Variants in TMTC2 observed in about 807,000 individuals in gnomAD.
TMTC2 encodes the protein transmembrane O-mannosyltransferase targeting cadherins 2.
Under a neutral mutation model 82.4 loss-of-function variants are expected in TMTC2, and 43 were observed. The ratio of observed to expected loss-of-function variants is 0.52; its 90% CI spans 0.41 to 0.67. The LOEUF (loss-of-function observed/expected upper bound fraction) is 0.67, where lower values mean the gene tolerates loss of function less well. TMTC2 is among the 30% of genes least tolerant of loss of function. The probability of loss-of-function intolerance (pLI) is 0.00; values close to 1 mark genes in which losing one functional copy is unlikely to be tolerated. For missense variants in TMTC2, 919 were observed against 1,012.4 expected (o/e 0.91, Z 1.25); for synonymous variants, 408 against 381.9 (o/e 1.07, Z -0.80).
chr12:83,129,563 T>C (rs1885198293), intron 11 of TMTC2, among the ~76,000 whole-genome samples: 1 of 152,208 alleles, frequency 6.6e-6, no homozygotes, highest in Non-Finnish European at 1.5e-5. Context: ...GTGAGGTCTA[T>C]TTATGTGGCA....
In TMTC2 at chr12:82,696,964, G is replaced by GTATATATA. The variant is rs3993380; in HGVS notation, c.83+9307_83+9314dup. Among the ~76,000 whole-genome samples the GTATATATA allele has an allele frequency of 3.8e-3, 541 of 141,544 alleles. 5 individuals carry two copies. The highest frequency in any genetic ancestry group is 0.013 in the African/African-American group (504 of 38,150). The allele number at this position is 141,544 out of a possible 152,430, so 92.9% of individuals were successfully genotyped here. ...GCTCTCTTTCTACATACATACATAC[G>GTATATATA]TATATATATATATATATATGTTTCT... On this transcript the variant is annotated intron_variant, in intron 1 of 11. Transcript: ENST00000321196.
Position 82,725,866 on chromosome 12 carries a change from CTG to C in TMTC2, c.83+38200_83+38201del, listed in dbSNP as rs1159681469. Among the ~76,000 whole-genome samples, 6 of 152,292 alleles carry C rather than the reference CTG, an allele frequency of 3.9e-5. No homozygotes were observed. The East Asian group carries it at 7.7e-4, about 20-fold the overall frequency. ...GAAATGTTCGGATTAAGATAAAAGACTGTGGAGACCAAGGTTCTTTTGAAGCC... is the reference window on the plus strand; with the variant it reads ...GAAATGTTCGGATTAAGATAAAAGACTGGAGACCAAGGTTCTTTTGAAGCC... On this transcript the variant is annotated intron_variant, in intron 1 of 11. Coordinates refer to ENST00000321196, the MANE Select transcript of TMTC2 (RefSeq NM_152588.3).
chr12:82,818,223 T>A (rs1262411137), intron 1 of TMTC2, among the ~76,000 whole-genome samples: 1 of 152,146 alleles, frequency 6.6e-6, no homozygotes, highest in Admixed American at 6.5e-5. Flanking sequence ...TTTTATATTT[T>A]ATCTATGGAA....
intron 8 of TMTC2, among the ~76,000 whole-genome samples, chr12:83,000,267 TG>T (rs1287073917): frequency 6.6e-6 from 1 of 152,168 alleles, no homozygotes; most frequent in Non-Finnish European, 1.5e-5. Context: ...CCCAAGTAGC[TG>T]GGACTACAGG....
intron 1 of TMTC2, among the ~76,000 whole-genome samples, chr12:82,708,651 T>A (rs1873485894): frequency 6.6e-6 from 1 of 152,196 alleles, no homozygotes; most frequent in Non-Finnish European, 1.5e-5. Flanking sequence ...CTGCAGGAAG[T>A]GCCTGCTGTT....
At chr12:82,899,443 GC>G (rs1178166646) in intron 3 of TMTC2, among the ~76,000 whole-genome samples, 3 of 151,000 alleles carry the variant, frequency 2.0e-5, no homozygotes, top group African/African-American at 7.3e-5. Context: ...TACATCCAGA[GC>G]TTGGCCACTT....
chr12:83,045,961 TA>T, intron 9 of TMTC2, among the ~76,000 whole-genome samples: 1 of 152,194 alleles, frequency 6.6e-6, no homozygotes, highest in South Asian at 2.1e-4. Flanking sequence ...TGCCAGCCTA[TA>T]AAACCCCAAG....
intron 3 of TMTC2, among the ~76,000 whole-genome samples, chr12:82,909,086 T>C (rs1488032714): frequency 6.6e-6 from 1 of 152,196 alleles, no homozygotes; most frequent in African/African-American, 2.4e-5. Flanking sequence ...ATTTTCTGTT[T>C]GTCCAAATAG....
intron 1 of TMTC2, among the ~76,000 whole-genome samples, chr12:82,769,563 C>A (rs1877173164): frequency 6.6e-6 from 1 of 152,130 alleles, no homozygotes; most frequent in Non-Finnish European, 1.5e-5. Context: ...AAGCCATTAT[C>A]TTGTCTAATG....
chr12:82,701,620 G>T (rs971163412), intron 1 of TMTC2, among the ~76,000 whole-genome samples: 4 of 148,642 alleles, frequency 2.7e-5, no homozygotes, highest in African/African-American at 5.0e-5. Flanking sequence ...AAATTTCTGG[G>T]TGTGGAGGTG....
At chr12:82,793,926 G>T (rs1040919385) in intron 1 of TMTC2, among the ~76,000 whole-genome samples, 7 of 152,100 alleles carry the variant, frequency 4.6e-5, no homozygotes, top group Admixed American at 4.6e-4. Context: ...TATGCGACTT[G>T]GGAAAATGAC....
At chr12:82,926,090 C>T (rs1214178708) in intron 3 of TMTC2, among the ~76,000 whole-genome samples, 3 of 151,798 alleles carry the variant, frequency 2.0e-5, no homozygotes, top group Non-Finnish European at 4.4e-5. Context: ...CAAGCGATTC[C>T]CCTGCCTCGC....
At chr12:82,721,382 T>A (rs1466249738) in intron 1 of TMTC2, among the ~76,000 whole-genome samples, 1 of 152,244 alleles carries the variant, frequency 6.6e-6, no homozygotes, top group Admixed American at 6.5e-5. Context: ...TGCTTGCTTT[T>A]GCCCTTATAA....
At chr12:82,822,351 C>T (rs371926352) in intron 1 of TMTC2, among the ~76,000 whole-genome samples, 72 of 152,112 alleles carry the variant, frequency 4.7e-4, no homozygotes, top group African/African-American at 1.7e-3. Flanking sequence ...ACAAATGTAC[C>T]ACTATAGCCA....
intron 1 of TMTC2, among the ~76,000 whole-genome samples, chr12:82,705,637 G>A (rs1873318176): frequency 6.6e-6 from 1 of 152,212 alleles, no homozygotes; most frequent in African/African-American, 2.4e-5. Context: ...AATAGGCATT[G>A]GCCTTTGATT....
intron 1 of TMTC2, among the ~76,000 whole-genome samples, chr12:82,783,988 G>C (rs1008522275): frequency 6.6e-6 from 1 of 152,170 alleles, no homozygotes; most frequent in East Asian, 1.9e-4. Flanking sequence ...GTACATGGAT[G>C]ATGAGAATTC....
chr12:82,901,723 G>C (rs1874030976), intron 3 of TMTC2, among the ~76,000 whole-genome samples: 1 of 152,078 alleles, frequency 6.6e-6, no homozygotes, highest in Non-Finnish European at 1.5e-5. Context: ...GCTTTATTGT[G>C]AGATTTTATG....
chr12:82,954,253 G>A (rs1003678947), intron 4 of TMTC2, among the ~76,000 whole-genome samples: 5 of 152,080 alleles, frequency 3.3e-5, no homozygotes, highest in Middle Eastern at 3.4e-3. Context: ...TGCTCTTGTC[G>A]GCATTCCTGA....
At chr12:83,069,868 A>C (rs1883049807) in intron 11 of TMTC2, among the ~76,000 whole-genome samples, 1 of 152,006 alleles carries the variant, frequency 6.6e-6, no homozygotes, top group Non-Finnish European at 1.5e-5. Flanking sequence ...TTTTTGGGTA[A>C]GGTGAGAGAT....
Sources: allele counts gnomAD v4.1 joint callset (sites outside exome capture counted in the v4.1 genomes callset), GRCh38; gene constraint gnomAD v4.1.1; transcripts MANE v1.5; gene names NCBI Gene and HGNC (gene_info 2026-07-23, HGNC 2026-07-21).